Variants in FAM204A observed in about 807,000 individuals in gnomAD.
FAM204A encodes family with sequence similarity 204 member A.
In FAM204A, 16 loss-of-function variants were observed where a neutral mutation model predicts 35.4. That is an observed-to-expected ratio of 0.45 (90% CI 0.31 to 0.69). The LOEUF (loss-of-function observed/expected upper bound fraction) is 0.69, where lower values mean the gene tolerates loss of function less well. Among genes scored for constraint, FAM204A ranks in the 30% least tolerant of loss-of-function variants. The pLI is 0.07. For missense variants in FAM204A, 240 were observed against 265.7 expected (o/e 0.90, Z 0.67); for synonymous variants, 76 against 86.9 (o/e 0.88, Z 0.70).
chr10:118,311,284 G>A lies in FAM204A; in HGVS notation c.573C>T (p.Ala191=), dbSNP rs139042667. 2.2e-5 allele frequency: 36 copies of A among 1,607,208 alleles called. No homozygotes were observed. Among genetic ancestry groups the A allele is most frequent in the Non-Finnish European group, 3.0e-5 (35 of 1,178,442 alleles). The change falls in exon 8 of 9, where the codon GCC becomes GCT. Residue 191 remains alanine, a synonymous_variant. Transcript: ENST00000369183. ...TTTTGGCTTTTACAAAGTTGTGGCA[G>A]GCAACTGCTTTGGCAATTTTTACAC... is the stretch of plus-strand genomic sequence containing the variant. The part of the protein sequence containing the change: ...ELGVKIAKAV[A]CHNFVKAKKE...
At chr10:118,330,445 C>T (rs1366540969) in intron 6 of FAM204A, among the ~76,000 whole-genome samples, 1 of 152,128 alleles carries the variant, frequency 6.6e-6, no homozygotes, top group African/African-American at 2.4e-5. Context: ...GTGGAAAGAG[C>T]ACAGGACTAG....
rs564733554 is a variant in FAM204A, at chr10:118,326,143, T to C, written c.543+11A>G. 4 of 1,607,852 alleles carry C rather than the reference T, an allele frequency of 2.5e-6. No homozygotes were observed. The highest frequency in any genetic ancestry group is 4.5e-5 in the East Asian group (2 of 44,820). On this transcript the variant is annotated intron_variant, in intron 7 of 8. Transcript: ENST00000369183. ...TGAAAATACAGAAAATGTGTAACCC[T>C]TTTGACTCACCTCTCGAGTAGCTAG...
chr10:118,325,477 A>AT (rs1351901067), intron 7 of FAM204A, among the ~76,000 whole-genome samples: 3 of 152,038 alleles, frequency 2.0e-5, no homozygotes, highest in African/African-American at 7.2e-5. Flanking sequence ...TATGGTGGAG[A>AT]TTTTTTCCTA....
rs1845869583 is a variant in FAM204A at position 118,306,686 on chromosome 10, T to A, written c.*4171A>T. 6.6e-6 allele frequency: 1 copy of A among 152,202 alleles called. No individual in the cohort carries two copies. The highest frequency in any genetic ancestry group is 1.5e-5 in the Non-Finnish European group (1 of 68,042). 9.4% of individuals were successfully genotyped at this position (152,202 alleles called of 1,614,324 possible). On this transcript the variant is annotated 3_prime_UTR_variant, in exon 9 of 9. Transcript: ENST00000369183. ...GGAAAGGGAACAGACACCTCCAGAA[T>A]ACTCACTATTGAGTAGGAGATAATA...
intron 7 of FAM204A, among the ~76,000 whole-genome samples, chr10:118,322,924 G>A (rs1483867594): frequency 1.3e-5 from 2 of 152,126 alleles, no homozygotes; most frequent in Admixed American, 1.3e-4. Context: ...CCTTGTTTCA[G>A]ATGGGGGTAC....
chr10:118,318,939 T>C (rs1404794792), intron 7 of FAM204A, among the ~76,000 whole-genome samples: 14 of 151,664 alleles, frequency 9.2e-5, no homozygotes, highest in South Asian at 2.1e-4. Context: ...TTTTTTTTTT[T>C]CCCAGGGGGA....
chr10:118,340,523 G>T (rs1281668704), intron 2 of FAM204A, among the ~76,000 whole-genome samples: 1 of 152,198 alleles, frequency 6.6e-6, no homozygotes, highest in Non-Finnish European at 1.5e-5. Context: ...ACTCCTGGAT[G>T]TATCACTCCA....
chr10:118,312,440 A>T (rs1237261323), intron 7 of FAM204A, among the ~76,000 whole-genome samples: 1 of 152,124 alleles, frequency 6.6e-6, no homozygotes, highest in Non-Finnish European at 1.5e-5. Context: ...AAAGAAGCAA[A>T]CTTAGGAGAG....
chr10:118,312,069 T>G (rs1007132130), intron 7 of FAM204A, among the ~76,000 whole-genome samples: 1 of 152,162 alleles, frequency 6.6e-6, no homozygotes, highest in Non-Finnish European at 1.5e-5. Context: ...AGTTTTACAC[T>G]CTGCCCTGCA....
In FAM204A at chr10:118,299,208, T is replaced by G. The variant is rs1238481174; in HGVS notation, c.*11649A>C. The G allele has an allele frequency of 6.6e-6, 1 of 152,134 alleles. No homozygotes were observed. 9.4% of individuals were successfully genotyped at this position (152,134 alleles called of 1,614,324 possible). A position where few individuals can be genotyped will look rare whatever the true frequency, so the allele number is the denominator to read the frequency against. ...CTTCTCAGAAAATCTATGGCTGAAC[T>G]TTTCAGGTTCTTCCTTTGGGCAGTA... is the stretch of plus-strand genomic sequence containing the variant. On this transcript the variant is annotated 3_prime_UTR_variant, in exon 9 of 9. Coordinates refer to ENST00000369183, the MANE Select transcript of FAM204A (RefSeq NM_022063.3).
chr10:118,342,305 A>AC lies in FAM204A; in HGVS notation c.-246dup, dbSNP rs1412817942. On this transcript the variant is annotated 5_prime_UTR_variant, in exon 1 of 9. It removes the in-frame stop codon of an upstream open reading frame in the 5' UTR. Transcript: ENST00000369183. ...GTGGTCGCCCAGCAGCCATCTTAGG[A>AC]CCCCGTCAACATCGCGCCTTCTCAT... 6.6e-6 allele frequency: 1 copy of AC among 152,276 alleles called. No homozygotes were observed. The highest frequency in any genetic ancestry group is 2.4e-5 in the African/African-American group (1 of 41,398). 9.4% of individuals were successfully genotyped at this position (152,276 alleles called of 1,614,324 possible). A position where few individuals can be genotyped will look rare whatever the true frequency, so the allele number is the denominator to read the frequency against.
chr10:118,317,706 G>A (rs236190), intron 7 of FAM204A, among the ~76,000 whole-genome samples: 3,277 of 152,028 alleles, frequency 0.022, 99 homozygotes, highest in African/African-American at 0.073. Flanking sequence ...TCTCTTACTT[G>A]GGAAGTCACA....
In FAM204A at chr10:118,327,530, C is replaced by T. The variant is rs78985770; in HGVS notation, c.454-1287G>A. On this transcript the variant is annotated intron_variant, in intron 6 of 8. Coordinates refer to ENST00000369183, the MANE Select transcript of FAM204A (RefSeq NM_022063.3). ...TGAGGCCATACGGATCTAATGCTCA[C>T]CACTCATTCTTGTCCTGTGATCATC... Among the ~76,000 whole-genome samples, 1,316 of 152,288 alleles carry T rather than the reference C, an allele frequency of 8.6e-3. 17 individuals are homozygous for T. The highest frequency in any genetic ancestry group is 0.03 in the African/African-American group (1,260 of 41,556).
intron 7 of FAM204A, chr10:118,322,448 A>C: frequency 2.2e-6 from 1 of 452,742 alleles, no homozygotes; most frequent in South Asian, 1.6e-5. Flanking sequence ...AATCATGAGG[A>C]AACAGCAGAC....
rs987458252 is a variant in FAM204A, at chr10:118,298,786, C to G, written c.*12071G>C. Reference sequence around the variant, plus strand: ...ACTGTCACTATCTTCGGCATCCACCCAAGAGTGATCTAACCTTTGCAAAGC... The same window carrying G: ...ACTGTCACTATCTTCGGCATCCACCGAAGAGTGATCTAACCTTTGCAAAGC... On this transcript the variant is annotated 3_prime_UTR_variant, in exon 9 of 9. Transcript: ENST00000369183. The G allele has an allele frequency of 6.6e-6, 1 of 152,210 alleles. No individual in the cohort carries two copies. The highest frequency in any genetic ancestry group is 1.5e-5 in the Non-Finnish European group (1 of 68,046). 9.4% of individuals were successfully genotyped at this position (152,210 alleles called of 1,614,324 possible). A position where few individuals can be genotyped will look rare whatever the true frequency, so the allele number is the denominator to read the frequency against.
intron 7 of FAM204A, among the ~76,000 whole-genome samples, chr10:118,318,137 T>C (rs979998713): frequency 2.0e-5 from 3 of 151,914 alleles, no homozygotes; most frequent in Admixed American, 6.6e-5. Flanking sequence ...CAGTGAAATA[T>C]ACCAAAAAGA....
intron 7 of FAM204A, among the ~76,000 whole-genome samples, chr10:118,322,050 TTAGA>T (rs2133276493): frequency 6.6e-6 from 1 of 152,240 alleles, no homozygotes; most frequent in Non-Finnish European, 1.5e-5. Flanking sequence ...AAGCCAAGTT[TTAGA>T]TTTAGTTTGC....
In FAM204A at chr10:118,342,254, C is replaced by T. The variant is rs1846500569; in HGVS notation, c.-210+16G>A. On this transcript the variant is annotated intron_variant, in intron 1 of 8. Transcript: ENST00000369183. The stretch of plus-strand genomic sequence containing the variant: ...CCGAACCGGCGGGTAACCAACCCTC[C>T]ATAAGCCGTACTCACCTGTCAGGAA... The T allele has an allele frequency of 1.3e-5, 2 of 152,446 alleles. No individual in the cohort carries two copies. Among genetic ancestry groups the T allele is most frequent in the African/African-American group, 2.4e-5 (1 of 41,582 alleles). The allele number at this position is 152,446 out of a possible 1,614,324, so 9.4% of individuals were successfully genotyped here. A position where few individuals can be genotyped will look rare whatever the true frequency, so the allele number is the denominator to read the frequency against.
At chr10:118,311,491 G>A (rs760555764) in intron 7 of FAM204A, 178 bp from the exon 8 acceptor site, 12 of 562,254 alleles carry the variant, frequency 2.1e-5, no homozygotes, top group South Asian at 5.1e-5. Flanking sequence ...CATATCTCCC[G>A]TGACTCCCAA....
Sources: gnomAD v4.1 joint callset for allele counts (sites outside exome capture counted in the v4.1 genomes callset) on GRCh38, gnomAD v4.1.1 for gene constraint, MANE v1.5 for transcripts, NCBI Gene and HGNC (gene_info 2026-07-23, HGNC 2026-07-21) for gene names.